Variants in CYB5B observed in about 807,000 individuals in gnomAD.
The protein encoded by CYB5B is cytochrome b5 type B.
In CYB5B, 14 loss-of-function variants were observed where a neutral mutation model predicts 21.3. That is an observed-to-expected ratio of 0.66 (90% CI 0.43 to 1.03). CYB5B has a LOEUF of 1.03. Among genes scored for constraint, CYB5B ranks in the 50% least tolerant of loss-of-function variants. The pLI is 0.00. For synonymous variants in CYB5B, 69 were observed against 68.4 expected (o/e 1.01, Z -0.04); for missense variants, 166 against 185.1 (o/e 0.90, Z 0.60).
intron 3 of CYB5B, among the ~76,000 whole-genome samples, chr16:69,452,997 C>CA (rs71385608): frequency 0.38 from 50,283 of 133,062 alleles, 9,491 homozygotes; most frequent in Admixed American, 0.48. Flanking sequence ...GACTCTGTCT[C>CA]AAAAAAAAAA....
intron 1 of CYB5B, among the ~76,000 whole-genome samples, chr16:69,432,326 T>C (rs1194416842): frequency 6.6e-6 from 1 of 152,166 alleles, no homozygotes; most frequent in African/African-American, 2.4e-5. Flanking sequence ...AAGCATTCTG[T>C]TTTTCACTTT....
intron 1 of CYB5B, among the ~76,000 whole-genome samples, chr16:69,432,639 CTTA>C (rs2014717855): frequency 6.6e-6 from 1 of 152,072 alleles, no homozygotes; most frequent in Non-Finnish European, 1.5e-5. Flanking sequence ...TTATTGAGTG[CTTA>C]TTATTCTAAG....
Position 69,462,860 on chromosome 16 carries a change from A to G in CYB5B, c.*340A>G, listed in dbSNP as rs539209842. 1 of 184,078 alleles carries G rather than the reference A, an allele frequency of 5.4e-6. No individual in the cohort carries two copies. The highest frequency in any genetic ancestry group is 1.0e-4 in the East Asian group (1 of 10,006). The allele number at this position is 184,078 out of a possible 1,614,324, so 11.4% of individuals were successfully genotyped here. A position where few individuals can be genotyped will look rare whatever the true frequency, so the allele number is the denominator to read the frequency against. On this transcript the variant is annotated 3_prime_UTR_variant, in exon 5 of 5. Coordinates refer to ENST00000307892, the MANE Select transcript of CYB5B (RefSeq NM_030579.3). ...AAAATGCCTGCTTTCCAATACTTTG[A>G]TTGCATATTAGACATTCTTAACAGG...
chr16:69,450,076 T>C (rs2142822047), intron 3 of CYB5B: 3 of 152,104 alleles, frequency 2.0e-5, no homozygotes, highest in Admixed American at 2.0e-4. Context: ...TAAAATTAGC[T>C]GAGCATTATA....
intron 1 of CYB5B, among the ~76,000 whole-genome samples, chr16:69,435,942 A>T (rs1176697865): frequency 1.3e-5 from 2 of 152,162 alleles, no homozygotes; most frequent in Non-Finnish European, 2.9e-5. Context: ...CTGGCCTAAC[A>T]TTATAATTTT....
intron 3 of CYB5B, among the ~76,000 whole-genome samples, chr16:69,458,031 A>G (rs1268381381): frequency 6.6e-6 from 1 of 152,178 alleles, no homozygotes; most frequent in African/African-American, 2.4e-5. Context: ...CTAAAGGGTT[A>G]TTGTCCTCTG....
At chr16:69,459,907 A>G (rs1040866865) in intron 4 of CYB5B, among the ~76,000 whole-genome samples, 1 of 152,206 alleles carries the variant, frequency 6.6e-6, no homozygotes, top group African/African-American at 2.4e-5. Context: ...AATGCTGCAT[A>G]AAAATTTTGA....
In CYB5B at chr16:69,424,674, G is replaced by C. The variant is rs778829544; in HGVS notation, c.-10G>C. On this transcript the variant is annotated 5_prime_UTR_variant, in exon 1 of 5. Coordinates refer to ENST00000307892, the MANE Select transcript of CYB5B (RefSeq NM_030579.3). Reference sequence around the variant, plus strand: ...AGTCGCGGAATCTCAGTTAGCGGTGGAGAGGCAGTATGTCCGGTTCAATGG... The same window carrying C: ...AGTCGCGGAATCTCAGTTAGCGGTGCAGAGGCAGTATGTCCGGTTCAATGG... 1 of 1,541,784 alleles carries C rather than the reference G, an allele frequency of 6.5e-7. No individual in the cohort carries two copies. The highest frequency in any genetic ancestry group is 8.7e-7 in the Non-Finnish European group (1 of 1,143,478).
intron 3 of CYB5B, among the ~76,000 whole-genome samples, chr16:69,458,770 A>G (rs944399745): frequency 1.3e-5 from 2 of 152,230 alleles, no homozygotes; most frequent in African/African-American, 4.8e-5. Context: ...CAGGTACATC[A>G]TCATGACCAC....
chr16:69,426,442 C>G (rs1182995192), intron 1 of CYB5B, among the ~76,000 whole-genome samples: 2 of 149,804 alleles, frequency 1.3e-5, no homozygotes, highest in East Asian at 2.0e-4. Context: ...TGTGGTGGCT[C>G]ACGCCTGTAA....
rs75779404 is a variant in CYB5B at position 69,456,828 on chromosome 16, T to G, written c.334-2265T>G. 1.6e-4 allele frequency among the ~76,000 whole-genome samples: 25 copies of G among 152,288 alleles called. No individual in the cohort carries two copies. The East Asian group carries it at 4.6e-3, about 28-fold the overall frequency. On this transcript the variant is annotated intron_variant, in intron 3 of 4. Coordinates refer to ENST00000307892, the MANE Select transcript of CYB5B (RefSeq NM_030579.3). ...AGGGAGGTTATGTGTTAATAGAACT[T>G]TTTTCATTTCAGTTTAAAAACAAGC...
chr16:69,448,157 C>A lies in CYB5B; in HGVS notation c.333+13C>A, dbSNP rs770032932. 2 of 1,612,798 alleles carry A rather than the reference C, an allele frequency of 1.2e-6. No individual in the cohort carries two copies. The highest frequency in any genetic ancestry group is 1.1e-5 in the South Asian group (1 of 90,796). ...AAGTGGTAGCAAGGTAAGAAGTCAG[C>A]GGTTTGTCTTGTGTTTATATTTGTG... is the stretch of plus-strand genomic sequence containing the variant. On this transcript the variant is annotated intron_variant, in intron 3 of 4. Coordinates refer to ENST00000307892, the MANE Select transcript of CYB5B (RefSeq NM_030579.3).
At chr16:69,461,708 G>A (rs760078649) in intron 4 of CYB5B, among the ~76,000 whole-genome samples, 47 of 152,156 alleles carry the variant, frequency 3.1e-4, no homozygotes, top group Non-Finnish European at 4.1e-4. Context: ...TACTTTTGAA[G>A]CTGCCATTTG....
intron 3 of CYB5B, among the ~76,000 whole-genome samples, chr16:69,452,868 G>T (rs2014949601): frequency 1.3e-5 from 2 of 151,726 alleles, no homozygotes; most frequent in Non-Finnish European, 2.9e-5. Context: ...GCGTGGTGGT[G>T]CACACCTGTC....
At chr16:69,436,547 C>T (rs528661369) in intron 1 of CYB5B, among the ~76,000 whole-genome samples, 1 of 152,204 alleles carries the variant, frequency 6.6e-6, no homozygotes, top group Non-Finnish European at 1.5e-5. Flanking sequence ...GTTCACCCCC[C>T]AGGTCTGTTA....
At chr16:69,425,615 G>T (rs1374573694) in intron 1 of CYB5B, among the ~76,000 whole-genome samples, 1 of 151,984 alleles carries the variant, frequency 6.6e-6, no homozygotes, top group African/African-American at 2.4e-5. Context: ...TACGTAAATT[G>T]TGCCTATCTA....
At chr16:69,461,959 T>C (rs1182905127) in intron 4 of CYB5B, among the ~76,000 whole-genome samples, 1 of 152,248 alleles carries the variant, frequency 6.6e-6, no homozygotes, top group Non-Finnish European at 1.5e-5. Flanking sequence ...GCAGATAGGA[T>C]ATTTCTGGTA....
intron 1 of CYB5B, among the ~76,000 whole-genome samples, chr16:69,439,249 CTTG>C (rs2014794850): frequency 6.6e-6 from 1 of 152,122 alleles, no homozygotes; most frequent in Non-Finnish European, 1.5e-5. Context: ...ACTTGGCATC[CTTG>C]TGAAAAATCA....
Position 69,463,714 on chromosome 16 carries a change from G to T in CYB5B, c.*1194G>T, listed in dbSNP as rs916060520. The T allele has an allele frequency of 6.6e-6, 1 of 152,092 alleles. No individual in the cohort carries two copies. Among genetic ancestry groups the T allele is most frequent in the Non-Finnish European group, 1.5e-5 (1 of 68,012 alleles). 9.4% of individuals were successfully genotyped at this position (152,092 alleles called of 1,614,324 possible). ...AAGTGAGAGTTCATGACAACAGACC[G>T]TTTTCCATTTCATCTGTATTTTATC... On this transcript the variant is annotated 3_prime_UTR_variant, in exon 5 of 5. Coordinates refer to ENST00000307892, the MANE Select transcript of CYB5B (RefSeq NM_030579.3).
Sources: allele counts gnomAD v4.1 joint callset (sites outside exome capture counted in the v4.1 genomes callset), GRCh38; gene constraint gnomAD v4.1.1; transcripts MANE v1.5; gene names NCBI Gene and HGNC (gene_info 2026-07-23, HGNC 2026-07-21).